Variants in ORC4 observed in about 807,000 individuals in gnomAD.
The protein encoded by ORC4 is origin recognition complex, subunit 4 homolog.
ORC4 carries 55 observed loss-of-function variants against 63.9 expected under a neutral mutation model. The observed-to-expected ratio is 0.86, with a 90% CI of 0.69 to 1.08. The LOEUF is 1.08. ORC4 is among the 50% of genes least tolerant of loss of function. ORC4 has a pLI of 0.00. For synonymous variants in ORC4, 150 were observed against 168.5 expected, an observed-to-expected ratio of 0.89 and a Z score of 0.85; for missense variants, 511 against 504.4, an observed-to-expected ratio of 1.01 and a Z score of -0.13.
rs1017992428 is a variant in ORC4, at chr2:147,973,574, T to C, written c.58-50A>G. On this transcript the variant is annotated intron_variant, in intron 2 of 13. Coordinates refer to ENST00000392857, the MANE Select transcript of ORC4 (RefSeq NM_181741.4). The stretch of plus-strand genomic sequence containing the variant: ...ATAAATAAAAATATTACACATGATA[T>C]AAAAAATAAATAAGAAAGCACATTT... The C allele has an allele frequency of 1.4e-4, 145 of 1,013,038 alleles. No homozygotes were observed. In the East Asian group the frequency reaches 3.7e-3, roughly 26 times the overall value. The allele number at this position is 1,013,038 out of a possible 1,614,324, so 62.8% of individuals were successfully genotyped here. A position where few individuals can be genotyped will look rare whatever the true frequency, so the allele number is the denominator to read the frequency against.
chr2:148,006,736 C>CTT (rs1558877587), intron 1 of ORC4, among the ~76,000 whole-genome samples: 25 of 152,330 alleles, frequency 1.6e-4, no homozygotes, highest in African/African-American at 5.5e-4. Flanking sequence ...CACCTGCTAA[C>CTT]TAAAGTGGCC....
In ORC4 at chr2:147,938,229, TG is replaced by T. The variant is rs1558827627; in HGVS notation, c.1055-17del. Reference sequence around the variant, plus strand: ...TTCTGAAACTCTGAGTAGAAAGCAATGACAACATTATACCTTCAAATAAGCA... The same window carrying T: ...TTCTGAAACTCTGAGTAGAAAGCAATACAACATTATACCTTCAAATAAGCA... On this transcript the variant is annotated splice_polypyrimidine_tract_variant and intron_variant, in intron 12 of 13. Transcript: ENST00000392857. 1 of 1,609,316 alleles carries T rather than the reference TG, an allele frequency of 6.2e-7. No individual in the cohort carries two copies. Among genetic ancestry groups the T allele is most frequent in the East Asian group, 2.2e-5 (1 of 44,700 alleles).
At chr2:148,021,498 ACTGCTGCTGCTGCTACTGCTGCTG>A (rs1693727244), upstream of ORC4, 1 of 569,554 alleles carries the variant, frequency 1.8e-6, no homozygotes, top group African/African-American at 1.9e-5. Context: ...TGCTGCTGCT[ACTGCTGCTGCTGCTACTGCTGCTG>A]CTTGGCCCTG....
chr2:147,939,140 C>T lies in ORC4; in HGVS notation c.958G>A (p.Gly320Ser). The part of the protein sequence containing the change: ...SMDSKANIVH[G>S]LSVLEICLII... Reference sequence around the variant, plus strand: ...TTAAAAAATAAGGCTGGGTTCTCACCATGTACAATATTTGCTTTCGAGTCC... The same window carrying T: ...TTAAAAAATAAGGCTGGGTTCTCACTATGTACAATATTTGCTTTCGAGTCC... The change falls in exon 11 of 14, where the codon GGT becomes AGT. Residue 320 changes from glycine (G) to serine (S), a missense_variant and splice_region_variant. Physicochemically the swap from Gly to Ser is moderately conservative, Grantham distance 56. Transcript: ENST00000392857. 1 of 1,570,306 alleles carries T rather than the reference C, an allele frequency of 6.4e-7. No individual in the cohort carries two copies. Among genetic ancestry groups the T allele is most frequent in the South Asian group, 1.1e-5 (1 of 90,154 alleles).
At chr2:147,973,402 C>T (rs1407049587) in intron 3 of ORC4, 46 bp downstream of exon 3, 2 of 1,107,378 alleles carry the variant, frequency 1.8e-6, no homozygotes, top group Non-Finnish European at 1.4e-6. Context: ...ACCTGGAAGG[C>T]ATCTGTAAGT....
chr2:147,967,593 G>A (rs1411315148), intron 4 of ORC4, among the ~76,000 whole-genome samples: 1 of 151,794 alleles, frequency 6.6e-6, no homozygotes, highest in Non-Finnish European at 1.5e-5. Flanking sequence ...TTAAGGAGGT[G>A]AAAGGTACAG....
chr2:147,958,470 C>T (rs1399892206), intron 5 of ORC4, 87 bp from the exon 6 acceptor site: 2 of 913,818 alleles, frequency 2.2e-6, no homozygotes, highest in East Asian at 5.2e-5. Context: ...GTAAATCTTC[C>T]CAGTCAAAGC....
chr2:147,945,327 T>C (rs898238083), intron 9 of ORC4, among the ~76,000 whole-genome samples: 1 of 152,088 alleles, frequency 6.6e-6, no homozygotes, highest in African/African-American at 2.4e-5. Flanking sequence ...CAATTCCCCC[T>C]CTTTCTAAAA....
At chr2:148,013,739 T>G (rs535976316) in intron 1 of ORC4, among the ~76,000 whole-genome samples, 14 of 152,288 alleles carry the variant, frequency 9.2e-5, no homozygotes, top group African/African-American at 2.9e-4. Flanking sequence ...ATATATGAGT[T>G]AAGTTAAAAA....
chr2:147,954,002 T>G (rs1261048689), intron 7 of ORC4, among the ~76,000 whole-genome samples: 1 of 151,654 alleles, frequency 6.6e-6, no homozygotes, highest in Non-Finnish European at 1.5e-5. Flanking sequence ...CAAAGTCAGA[T>G]CCCTACTTTA....
intron 1 of ORC4, among the ~76,000 whole-genome samples, chr2:148,007,820 C>T (rs1297059695): frequency 5.9e-5 from 9 of 152,014 alleles, no homozygotes; most frequent in Non-Finnish European, 7.4e-5. Context: ...ATCCTAAAAG[C>T]GGCAAAAGAA....
At chr2:147,966,494 T>A (rs984409033) in intron 4 of ORC4, among the ~76,000 whole-genome samples, 18 of 151,080 alleles carry the variant, frequency 1.2e-4, no homozygotes, top group Admixed American at 7.9e-4. Flanking sequence ...AAGACCAAAA[T>A]AAATAAATGA....
intron 12 of ORC4, 28 bp downstream of exon 12, chr2:147,938,270 G>GA (rs1688168262): frequency 1.3e-6 from 2 of 1,590,556 alleles, no homozygotes; most frequent in African/African-American, 1.3e-5. Context: ...GGAAGAGTCA[G>GA]AAAAAAGCTA....
rs1355247076 is a variant in ORC4 at position 147,930,968 on chromosome 2, C to G, written c.*4542G>C. The G allele has an allele frequency of 6.7e-6, 1 of 149,760 alleles. No individual in the cohort carries two copies. Among genetic ancestry groups the G allele is most frequent in the Non-Finnish European group, 1.5e-5 (1 of 67,318 alleles). The allele number at this position is 149,760 out of a possible 1,614,324, so 9.3% of individuals were successfully genotyped here. A position where few individuals can be genotyped will look rare whatever the true frequency, so the allele number is the denominator to read the frequency against. On this transcript the variant is annotated 3_prime_UTR_variant, in exon 14 of 14. Transcript: ENST00000392857. ...TGCGCTGCACCCACTAACTCGTCAT[C>G]TAGCATTAGGTATATCTCCTAATGC...
At chr2:147,969,002 G>T (rs1209807064) in intron 4 of ORC4, among the ~76,000 whole-genome samples, 3 of 151,820 alleles carry the variant, frequency 2.0e-5, no homozygotes, top group African/African-American at 7.2e-5. Context: ...GGAACTGGAA[G>T]AAGTTATATT....
chr2:147,931,380 G>A lies in ORC4; in HGVS notation c.*4130C>T, dbSNP rs1687726504. The A allele has an allele frequency of 6.6e-6, 1 of 152,044 alleles. No individual in the cohort carries two copies. The highest frequency in any genetic ancestry group is 6.6e-5 in the Admixed American group (1 of 15,234). The allele number at this position is 152,044 out of a possible 1,614,324, so 9.4% of individuals were successfully genotyped here. ...CCTTTGGGTATATACCCAGTAATGGGATGGCTGGGTCAAATGGTGTTTCCA... is the reference window on the plus strand; with the variant it reads ...CCTTTGGGTATATACCCAGTAATGGAATGGCTGGGTCAAATGGTGTTTCCA... On this transcript the variant is annotated 3_prime_UTR_variant, in exon 14 of 14. Transcript: ENST00000392857.
intron 7 of ORC4, among the ~76,000 whole-genome samples, chr2:147,953,494 T>A (rs1044806330): frequency 3.9e-5 from 6 of 152,288 alleles, no homozygotes; most frequent in Middle Eastern, 3.4e-3. Flanking sequence ...AAGATTAAAA[T>A]ATAAGGGGAG....
intron 2 of ORC4, among the ~76,000 whole-genome samples, chr2:147,974,187 T>C (rs1332115616): frequency 6.6e-6 from 1 of 152,160 alleles, no homozygotes; most frequent in Non-Finnish European, 1.5e-5. Flanking sequence ...AAACAATACA[T>C]ACTTGTTCAT....
chr2:148,015,742 A>T lies in ORC4; in HGVS notation c.-18+4891T>A, dbSNP rs144918170. ...TATTTTGGACTATGGAAATGATGCTAGACAAAAAGCAAAGTTGAGTGATTT... is the reference window on the plus strand; with the variant it reads ...TATTTTGGACTATGGAAATGATGCTTGACAAAAAGCAAAGTTGAGTGATTT... On this transcript the variant is annotated intron_variant, in intron 1 of 13. Transcript: ENST00000392857. Among the ~76,000 whole-genome samples the T allele has an allele frequency of 4.7e-4, 71 of 152,096 alleles. 1 individual carries two copies. The East Asian group carries it at 0.013, about 28-fold the overall frequency.
Sources: gnomAD v4.1 joint callset for allele counts (sites outside exome capture counted in the v4.1 genomes callset) on GRCh38, gnomAD v4.1.1 for gene constraint, MANE v1.5 for transcripts, NCBI Gene and HGNC (gene_info 2026-07-23, HGNC 2026-07-21) for gene names.